Variants in GAP43 observed in about 807,000 individuals in gnomAD.
GAP43 encodes neuromodulin.
A neutral mutation model predicts 18.6 loss-of-function variants in GAP43; 6 were observed. The ratio of observed to expected loss-of-function variants is 0.32; its 90% CI spans 0.18 to 0.64. The LOEUF (loss-of-function observed/expected upper bound fraction) is 0.64, where lower values mean the gene tolerates loss of function less well. Ranked by LOEUF, GAP43 falls within the 30% of genes least tolerant of loss-of-function variation. The pLI is 0.78. For missense variants in GAP43, 292 were observed against 295.5 expected (o/e 0.99, Z 0.09); for synonymous variants, 115 against 111.4 (o/e 1.03, Z -0.20).
chr3:115,679,650 G>T (rs1317345913), intron 2 of GAP43, among the ~76,000 whole-genome samples: 1 of 152,178 alleles, frequency 6.6e-6, no homozygotes, highest in East Asian at 1.9e-4. Context: ...CAGTGTCACT[G>T]TGCTCATTGG....
intron 2 of GAP43, among the ~76,000 whole-genome samples, chr3:115,688,349 T>C (rs2107356740): frequency 6.6e-6 from 1 of 152,306 alleles, no homozygotes; most frequent in Non-Finnish European, 1.5e-5. Context: ...TATCCATGGG[T>C]ACTTTAACTT....
At chr3:115,634,723 T>G (rs372232590) in intron 1 of GAP43, among the ~76,000 whole-genome samples, 1 of 152,028 alleles carries the variant, frequency 6.6e-6, no homozygotes, top group Admixed American at 6.6e-5. Context: ...TGAGCTCTGA[T>G]CACACCACTG....
chr3:115,702,946 G>A (rs76536919), intron 2 of GAP43, among the ~76,000 whole-genome samples: 3,608 of 152,164 alleles, frequency 0.024, 259 homozygotes, highest in East Asian at 0.16. Context: ...ATGGAGAAGA[G>A]TGTTCTTCAA....
At chr3:115,643,330 G>A (rs1708421061) in intron 1 of GAP43, among the ~76,000 whole-genome samples, 2 of 152,022 alleles carry the variant, frequency 1.3e-5, no homozygotes, top group Admixed American at 1.3e-4. Flanking sequence ...GTTTTGCCTT[G>A]ACTGTGTTTC....
chr3:115,717,331 CAG>C (rs1484481656), intron 2 of GAP43, among the ~76,000 whole-genome samples: 7 of 124,954 alleles, frequency 5.6e-5, no homozygotes, highest in Non-Finnish European at 1.2e-4. Context: ...TTTTTTTTGA[CAG>C]AGTTTCACTT....
At chr3:115,692,505 A>G (rs1476459289) in intron 2 of GAP43, among the ~76,000 whole-genome samples, 1 of 152,216 alleles carries the variant, frequency 6.6e-6, no homozygotes, top group Admixed American at 6.5e-5. Context: ...GTATAGAACA[A>G]AATAAGTCTG....
chr3:115,680,738 CGAAAA>C (rs2107491940), intron 2 of GAP43, among the ~76,000 whole-genome samples: 1 of 152,002 alleles, frequency 6.6e-6, no homozygotes, highest in South Asian at 2.1e-4. Flanking sequence ...AAATTATTAA[CGAAAA>C]GAATAGATGC....
chr3:115,646,300 G>T (rs914034782), intron 1 of GAP43, among the ~76,000 whole-genome samples: 1 of 152,050 alleles, frequency 6.6e-6, no homozygotes, highest in African/African-American at 2.4e-5. Flanking sequence ...AACTTCCAAA[G>T]CTGTCATTTC....
At chr3:115,662,417 T>C (rs1708673789) in intron 1 of GAP43, among the ~76,000 whole-genome samples, 1 of 152,124 alleles carries the variant, frequency 6.6e-6, no homozygotes, top group Admixed American at 6.5e-5. Context: ...TTGTTCAGCT[T>C]ACCGGGTTTT....
In GAP43 at chr3:115,676,437, C is replaced by T. The variant is rs767667883; in HGVS notation, c.455C>T (p.Pro152Leu). ...SATKASTDNS[P>L]SSKAEDAPAK... ...ACTAAAGCTTCCACTGATAACTCGC[C>T]GTCCTCCAAGGCTGAAGATGCCCCA... Residue 152 changes from proline to leucine, a missense_variant, in exon 2 of 3, where the codon CCG (proline) becomes CTG (leucine). By Grantham distance (98) the Pro-to-Leu change is moderately conservative (BLOSUM62 -3). Coordinates refer to ENST00000305124, the MANE Select transcript of GAP43 (RefSeq NM_002045.4). 1.7e-5 allele frequency: 28 copies of T among 1,613,836 alleles called. No homozygotes were observed. The African/African-American group carries it at 1.9e-4, about 11-fold the overall frequency.
At chr3:115,709,973 T>C (rs1158586200) in intron 2 of GAP43, among the ~76,000 whole-genome samples, 2 of 152,140 alleles carry the variant, frequency 1.3e-5, no homozygotes, top group Non-Finnish European at 2.9e-5. Context: ...CCTCTGCTTA[T>C]TAGACAGTTA....
Position 115,649,063 on chromosome 3 carries a change from T to C in GAP43, c.30+25344T>C, listed in dbSNP as rs552447323. Among the ~76,000 whole-genome samples the C allele has an allele frequency of 2.0e-4, 31 of 152,188 alleles. 1 individual carries two copies. In the South Asian group the frequency reaches 5.4e-3, roughly 26 times the overall value. On this transcript the variant is annotated intron_variant, in intron 1 of 2. Coordinates refer to ENST00000305124, the MANE Select transcript of GAP43 (RefSeq NM_002045.4). ...CACAAATCTAGAAATTTGGTATTCC[T>C]CTCAGTCAATTCCTGCTACTACAAA...
chr3:115,692,478 A>T (rs557900722), intron 2 of GAP43, among the ~76,000 whole-genome samples: 3 of 152,206 alleles, frequency 2.0e-5, no homozygotes, highest in Non-Finnish European at 4.4e-5. Flanking sequence ...AACAGAAACA[A>T]AAAAGACTCA....
chr3:115,657,682 G>A (rs1410297359), intron 1 of GAP43, among the ~76,000 whole-genome samples: 2 of 151,976 alleles, frequency 1.3e-5, no homozygotes, highest in African/African-American at 2.4e-5. Flanking sequence ...CTTGCCTCAA[G>A]GAGCCCCAGG....
chr3:115,630,035 C>T lies in GAP43; in HGVS notation c.30+6316C>T, dbSNP rs76642363. Among the ~76,000 whole-genome samples, 223 of 152,214 alleles carry T rather than the reference C, an allele frequency of 1.5e-3. 4 individuals carry two copies. The highest frequency in any genetic ancestry group is 5.2e-3 in the African/African-American group (215 of 41,538). ...GCTGGCACTATCTCCCCTCCATGTC[C>T]TCCTCGTCCAACAACCAACATTACA... On this transcript the variant is annotated intron_variant, in intron 1 of 2. Coordinates refer to ENST00000305124, the MANE Select transcript of GAP43 (RefSeq NM_002045.4).
intron 1 of GAP43, among the ~76,000 whole-genome samples, chr3:115,673,714 C>T (rs1265336969): frequency 1.3e-5 from 2 of 152,158 alleles, no homozygotes; most frequent in African/African-American, 2.4e-5. Flanking sequence ...TTGGGCTGTG[C>T]TCATCCCAGT....
intron 1 of GAP43, among the ~76,000 whole-genome samples, chr3:115,657,674 T>C (rs1333181904): frequency 1.3e-5 from 2 of 152,134 alleles, no homozygotes; most frequent in Admixed American, 1.3e-4. Flanking sequence ...TTTGGTGACT[T>C]GCCTCAAGGA....
At chr3:115,695,062 A>C (rs1709166971) in intron 2 of GAP43, among the ~76,000 whole-genome samples, 1 of 152,230 alleles carries the variant, frequency 6.6e-6, no homozygotes, top group Non-Finnish European at 1.5e-5. Context: ...GTGCCTTAAC[A>C]CTTTTGAATA....
At chr3:115,683,141 GCGCGCGCA>G (rs1468648669) in intron 2 of GAP43, among the ~76,000 whole-genome samples, 37 of 121,390 alleles carry the variant, frequency 3.0e-4, no homozygotes, top group African/African-American at 8.3e-4. Context: ...GCGTGCGCGC[GCGCGCGCA>G]CACACACACA....
Sources: allele counts gnomAD v4.1 joint callset (sites outside exome capture counted in the v4.1 genomes callset), GRCh38; gene constraint gnomAD v4.1.1; transcripts MANE v1.5; gene names NCBI Gene and HGNC (gene_info 2026-07-23, HGNC 2026-07-21).